Variants in VPS13B observed in about 807,000 individuals in gnomAD.
VPS13B encodes intermembrane lipid transfer protein VPS13B.
In VPS13B, 285 loss-of-function variants were observed where a neutral mutation model predicts 426.4. The ratio of observed to expected loss-of-function variants is 0.67; its 90% CI spans 0.61 to 0.74. VPS13B has a LOEUF of 0.74. Ranked by LOEUF, VPS13B falls within the 30% of genes least tolerant of loss-of-function variation. VPS13B has a pLI of 0.00. For missense variants in VPS13B, 4,537 were observed against 4,782.6 expected, an observed-to-expected ratio of 0.95 and a Z score of 1.51; for synonymous variants, 1,676 against 1,676.4, an observed-to-expected ratio of 1.00 and a Z score of 0.01.
rs751722197 is a variant in VPS13B, at chr8:99,143,447, AT to A, written c.1843+293del. Among the ~76,000 whole-genome samples the A allele has an allele frequency of 2.0e-3, 295 of 149,140 alleles. No individual in the cohort carries two copies. The Middle Eastern group carries it at 0.021, about 10-fold the overall frequency. On this transcript the variant is annotated intron_variant, in intron 13 of 61. Transcript: ENST00000357162. ...TTTCTAGTGGATACTTGTGAATATG[AT>A]TTTTTTTTTTCACATTAATGGATTC...
intron 25 of VPS13B, among the ~76,000 whole-genome samples, chr8:99,485,196 C>T (rs2133564858): frequency 6.6e-6 from 1 of 152,192 alleles, no homozygotes; most frequent in African/African-American, 2.4e-5. Flanking sequence ...TCTCCTTAGC[C>T]CTAGGCAGAA....
intron 16 of VPS13B, among the ~76,000 whole-genome samples, chr8:99,187,437 C>T (rs1813281620): frequency 6.6e-6 from 1 of 152,090 alleles, no homozygotes; most frequent in Admixed American, 6.5e-5. Context: ...CCTTCTATTT[C>T]TTTTGATCTC....
intron 17 of VPS13B, among the ~76,000 whole-genome samples, chr8:99,264,915 A>C (rs903031333): frequency 2.6e-5 from 4 of 151,168 alleles, no homozygotes; most frequent in East Asian, 2.0e-4. Flanking sequence ...TTCCATTTTC[A>C]TTCTCTTTGG....
intron 54 of VPS13B, among the ~76,000 whole-genome samples, chr8:99,847,717 CCATGAGAAAGCCATTG>C (rs1207886608): frequency 1.3e-5 from 2 of 152,112 alleles, no homozygotes; most frequent in African/African-American, 4.8e-5. Context: ...TTTCTGAAGT[CCATGAGAAAGCCATTG>C]CATGAGAAAG....
At chr8:99,810,502 G>A (rs949820733) in intron 44 of VPS13B, among the ~76,000 whole-genome samples, 5 of 152,162 alleles carry the variant, frequency 3.3e-5, no homozygotes, top group Admixed American at 3.3e-4. Flanking sequence ...ATGCATTCTT[G>A]GTCTGCACCT....
rs1175521898 is a variant in VPS13B at position 99,521,027 on chromosome 8, A to G, written c.4745+17A>G. The G allele has an allele frequency of 1.9e-6, 3 of 1,602,526 alleles. No individual in the cohort carries two copies. Among genetic ancestry groups the G allele is most frequent in the African/African-American group, 2.7e-5 (2 of 74,682 alleles). On this transcript the variant is annotated intron_variant, in intron 30 of 61. Coordinates refer to ENST00000357162, the MANE Select transcript of VPS13B (RefSeq NM_152564.5). ...TATTTACCAGTAAGTTTATTTTCTT[A>G]TGTCCAATCTTGCAACAATTTTCAT...
At chr8:99,591,758 G>A (rs1178917966) in intron 33 of VPS13B, among the ~76,000 whole-genome samples, 3 of 139,588 alleles carry the variant, frequency 2.1e-5, no homozygotes, top group Non-Finnish European at 1.6e-5. Flanking sequence ...TGGGTAACCC[G>A]ACCTTTCTTT....
At chr8:99,117,365 CT>C (rs2132503319) in intron 7 of VPS13B, among the ~76,000 whole-genome samples, 1 of 152,232 alleles carries the variant, frequency 6.6e-6, no homozygotes, top group East Asian at 1.9e-4. Flanking sequence ...GGTATAGTTG[CT>C]TTGGAAAACA....
At chr8:99,101,111 C>T (rs1846715828) in intron 4 of VPS13B, among the ~76,000 whole-genome samples, 1 of 151,618 alleles carries the variant, frequency 6.6e-6, no homozygotes, top group Admixed American at 6.6e-5. Flanking sequence ...TAGTCATGCT[C>T]ACTTGACTTC....
chr8:99,016,717 G>A (rs551956655), intron 2 of VPS13B, among the ~76,000 whole-genome samples: 18 of 148,876 alleles, frequency 1.2e-4, no homozygotes, highest in African/African-American at 4.5e-4. Flanking sequence ...TCAGCCTCCC[G>A]AGTAACTGGA....
At chr8:99,707,899 G>C (rs796947762) in intron 36 of VPS13B, among the ~76,000 whole-genome samples, 1 of 152,156 alleles carries the variant, frequency 6.6e-6, no homozygotes, top group Non-Finnish European at 1.5e-5. Flanking sequence ...CCTGGATTAT[G>C]TAGATCAAGA....
At chr8:99,211,854 T>C (rs1434078181) in intron 17 of VPS13B, among the ~76,000 whole-genome samples, 1 of 152,218 alleles carries the variant, frequency 6.6e-6, no homozygotes, top group African/African-American at 2.4e-5. Flanking sequence ...TTTGGAGAAC[T>C]CTTTTGCCAA....
chr8:99,470,129 G>C (rs1227574203), intron 24 of VPS13B, among the ~76,000 whole-genome samples: 1 of 152,108 alleles, frequency 6.6e-6, no homozygotes, highest in Non-Finnish European at 1.5e-5. Flanking sequence ...TGGCGGCTCT[G>C]CCTGATAGAA....
intron 6 of VPS13B, among the ~76,000 whole-genome samples, chr8:99,114,683 G>T (rs1180832863): frequency 6.6e-6 from 1 of 152,128 alleles, no homozygotes; most frequent in Non-Finnish European, 1.5e-5. Context: ...TTAAAAGCTT[G>T]TGCTCATATT....
intron 14 of VPS13B, among the ~76,000 whole-genome samples, chr8:99,152,815 CT>C (rs1320138629): frequency 6.6e-6 from 1 of 152,114 alleles, no homozygotes; most frequent in African/African-American, 2.4e-5. Context: ...CTCCTACTTT[CT>C]TTTGATTAGT....
rs1025901430 is a variant in VPS13B at position 99,013,438 on chromosome 8, G to A, written c.-30+91G>A. Reference sequence around the variant, plus strand: ...TGGTGGCAGATCCGGCTGGGTTCCGGGAAGCGAGGGCCTCGCGGGGTGGCT... The same window carrying A: ...TGGTGGCAGATCCGGCTGGGTTCCGAGAAGCGAGGGCCTCGCGGGGTGGCT... On this transcript the variant is annotated intron_variant, in intron 1 of 61. Transcript: ENST00000357162. The A allele has an allele frequency of 1.4e-5, 5 of 356,598 alleles. No individual in the cohort carries two copies. The East Asian group carries it at 2.8e-4, about 20-fold the overall frequency. 22.1% of individuals were successfully genotyped at this position (356,598 alleles called of 1,614,324 possible).
chr8:99,857,806 C>A (rs1438673434), intron 56 of VPS13B, among the ~76,000 whole-genome samples: 1 of 152,204 alleles, frequency 6.6e-6, no homozygotes, highest in East Asian at 1.9e-4. Context: ...ACTTTTCTTG[C>A]AGTTACCGTG....
At chr8:99,312,046 T>C (rs1478875012) in intron 19 of VPS13B, among the ~76,000 whole-genome samples, 1 of 152,196 alleles carries the variant, frequency 6.6e-6, no homozygotes, top group Non-Finnish European at 1.5e-5. Context: ...TCCATCCCTT[T>C]ATTTTGAGCC....
At chr8:99,038,639 A>C in intron 3 of VPS13B, 73 bp downstream of exon 3, 2 of 1,353,398 alleles carry the variant, frequency 1.5e-6, no homozygotes, top group South Asian at 2.4e-5. Context: ...TACCTTTTCA[A>C]ATATGCCAAC....
Sources: allele counts gnomAD v4.1 joint callset (sites outside exome capture counted in the v4.1 genomes callset), GRCh38; gene constraint gnomAD v4.1.1; transcripts MANE v1.5; gene names NCBI Gene and HGNC (gene_info 2026-07-23, HGNC 2026-07-21).